The following SUN1 variants were observed in gnomAD, a reference collection of about 807,000 sequenced individuals.
SUN1 encodes the protein SUN domain-containing protein 1.
In SUN1, 61 loss-of-function variants were observed where a neutral mutation model predicts 103.2. That is an observed-to-expected ratio of 0.59 (90% CI 0.48 to 0.73). The LOEUF (loss-of-function observed/expected upper bound fraction) is 0.73, where lower values mean the gene tolerates loss of function less well. Among genes scored for constraint, SUN1 ranks in the 30% least tolerant of loss-of-function variants. The probability of loss-of-function intolerance (pLI) is 0.00; values close to 1 mark genes in which losing one functional copy is unlikely to be tolerated. For synonymous variants in SUN1, 490 were observed against 425.7 expected (o/e 1.15, Z -1.86); for missense variants, 1,052 against 1,034.6 (o/e 1.02, Z -0.23).
chr7:874,339 T>C lies in SUN1; in HGVS notation c.*1008T>C, dbSNP rs1018263067. 6.6e-6 allele frequency: 1 copy of C among 152,636 alleles called. No individual in the cohort carries two copies. The highest frequency in any genetic ancestry group is 1.5e-5 in the Non-Finnish European group (1 of 68,026). The allele number at this position is 152,636 out of a possible 1,614,324, so 9.5% of individuals were successfully genotyped here. ...TCTCACGTGATTCTTGTGAGACTCT[T>C]TTTGGTTATAATTACTATTTAATAT... On this transcript the variant is annotated 3_prime_UTR_variant, in exon 19 of 19. Transcript: ENST00000401592.
In SUN1 at chr7:837,312, C is replaced by G. The variant is rs1804363583; in HGVS notation, c.78-1486C>G. Reference sequence around the variant, plus strand: ...GCAGCGGTCTGAAGCACGTCAGTCTCAGACACGTGGACTGTGCCGCTTTTG... The same window carrying G: ...GCAGCGGTCTGAAGCACGTCAGTCTGAGACACGTGGACTGTGCCGCTTTTG... On this transcript the variant is annotated intron_variant, in intron 1 of 18. Transcript: ENST00000401592. 1.3e-5 allele frequency among the ~76,000 whole-genome samples: 2 copies of G among 152,208 alleles called. 1 individual carries two copies. The highest frequency in any genetic ancestry group is 4.1e-4 in the South Asian group (2 of 4,832).
chr7:822,187 A>T (rs1562476248), intron 1 of SUN1, among the ~76,000 whole-genome samples: 2 of 152,250 alleles, frequency 1.3e-5, no homozygotes, highest in Non-Finnish European at 2.9e-5. Flanking sequence ...CACTGTTTAT[A>T]TAATTGTATG....
chr7:840,013 C>A (rs1807690912), intron 2 of SUN1, among the ~76,000 whole-genome samples: 1 of 152,220 alleles, frequency 6.6e-6, no homozygotes, highest in Non-Finnish European at 1.5e-5. Flanking sequence ...TCTACAAGAT[C>A]TTTGTGCCAT....
intron 2 of SUN1, among the ~76,000 whole-genome samples, chr7:839,548 G>GC (rs1554262064): frequency 3.4e-5 from 4 of 116,714 alleles, no homozygotes; most frequent in South Asian, 2.8e-4. Context: ...ACCACGCCTG[G>GC]CAAATTTTCC....
chr7:869,426 C>T lies in SUN1; in HGVS notation c.2058C>T (p.Ile686=). ...GYLVVRLSMM[I]HPAAFTLEHI... ...TGGTGGTGAGGCTCTCCATGATGAT[C>T]CACCCAGCCGCCTTCACTCTGGAGC... is the stretch of plus-strand genomic sequence containing the variant. Residue 686 remains isoleucine, a synonymous_variant, in exon 17 of 19, where the codon ATC becomes ATT. Coordinates refer to ENST00000401592, the MANE Select transcript of SUN1 (RefSeq NM_001130965.3). The T allele has an allele frequency of 6.2e-7, 1 of 1,613,874 alleles. No individual in the cohort carries two copies.
intron 5 of SUN1, chr7:843,996 G>C (rs545526761): frequency 8.1e-6 from 5 of 620,396 alleles, no homozygotes; most frequent in Admixed American, 5.2e-5. Flanking sequence ...AGAACCTGTA[G>C]GTCTGGGAAG....
intron 5 of SUN1, 153 bp downstream of exon 5, chr7:843,673 T>A (rs1383047331): frequency 6.7e-7 from 1 of 1,489,198 alleles, no homozygotes; most frequent in Non-Finnish European, 8.9e-7. Flanking sequence ...GCTTTGTCCT[T>A]CCTGTCCTCT....
chr7:822,618 A>ATTATGTCTTTAC (rs61618557), intron 1 of SUN1, among the ~76,000 whole-genome samples: 59,346 of 151,854 alleles, frequency 0.39, 11,977 homozygotes, highest in African/African-American at 0.5. Context: ...AGATGATTTT[A>ATTATGTCTTTAC]TTGCTACAAA....
At chr7:851,878 A>ATTT in intron 6 of SUN1, 72 bp from the exon 7 acceptor site, 2 of 1,516,476 alleles carry the variant, frequency 1.3e-6, no homozygotes, top group Non-Finnish European at 1.8e-6. Flanking sequence ...TGGCCTTCAC[A>ATTT]GAAATGGTCC....
At chr7:830,255 T>TGCTGCC (rs1187198110), upstream of SUN1, among the ~76,000 whole-genome samples, 3 of 152,288 alleles carry the variant, frequency 2.0e-5, no homozygotes, top group African/African-American at 7.2e-5. Context: ...TCACAGCCTC[T>TGCTGCC]GCTGCCGCTG....
chr7:827,539 G>C (rs370743133), upstream of SUN1, among the ~76,000 whole-genome samples: 1 of 143,816 alleles, frequency 7.0e-6, no homozygotes, highest in Non-Finnish European at 1.5e-5. Flanking sequence ...GCGCAATCTC[G>C]GCTCACTGCA....
At position 860,497 on chromosome 7, in the gene SUN1, G is replaced by A. The variant is rs188282894; in HGVS notation, c.1779+115G>A. On this transcript the variant is annotated intron_variant, in intron 14 of 18. Transcript: ENST00000401592. ...TTGTTTTAAGAGTGGTCTGGCTGGGGTGTGCTTAGCTGACGTAAGTGAGAT... is the reference window on the plus strand; with the variant it reads ...TTGTTTTAAGAGTGGTCTGGCTGGGATGTGCTTAGCTGACGTAAGTGAGAT... 16 of 1,517,198 alleles carry A rather than the reference G, an allele frequency of 1.1e-5. No individual in the cohort carries two copies. In the East Asian group the frequency reaches 2.7e-4, roughly 26 times the overall value. 94.0% of individuals were successfully genotyped at this position (1,517,198 alleles called of 1,614,324 possible). A position where few individuals can be genotyped will look rare whatever the true frequency, so the allele number is the denominator to read the frequency against.
chr7:852,093 G>T, intron 7 of SUN1, 50 bp downstream of exon 7: 4 of 1,499,152 alleles, frequency 2.7e-6, no homozygotes, highest in Non-Finnish European at 3.7e-6. Context: ...AACCAATTTT[G>T]TGCCAATTGC....
At chr7:841,079 A>C (rs1374160968) in intron 2 of SUN1, among the ~76,000 whole-genome samples, 1 of 149,934 alleles carries the variant, frequency 6.7e-6, no homozygotes, top group African/African-American at 2.5e-5. Flanking sequence ...GATTGCAGGC[A>C]TGTGCCACCA....
At chr7:850,632 G>A (rs1466751696) in intron 5 of SUN1, 1 of 153,274 alleles carries the variant, frequency 6.5e-6, no homozygotes, top group Non-Finnish European at 1.5e-5. Flanking sequence ...CAGGTGTTAA[G>A]TCACTGTGAG....
chr7:858,983 G>C (rs552827257), intron 13 of SUN1, among the ~76,000 whole-genome samples: 1 of 151,970 alleles, frequency 6.6e-6, no homozygotes, highest in Non-Finnish European at 1.5e-5. Context: ...GTGAAACCGC[G>C]TCTCTACTAA....
At chr7:856,775 C>T (rs1375331001) in intron 12 of SUN1, among the ~76,000 whole-genome samples, 2 of 152,212 alleles carry the variant, frequency 1.3e-5, no homozygotes, top group African/African-American at 4.8e-5. Flanking sequence ...TGCACCGGGC[C>T]TCCGCTGGCA....
At chr7:818,491 C>T (rs1329429146) in intron 1 of SUN1, among the ~76,000 whole-genome samples, 1 of 152,164 alleles carries the variant, frequency 6.6e-6, no homozygotes, top group Non-Finnish European at 1.5e-5. Flanking sequence ...AGTAATGCAG[C>T]TACTATGAAC....
intron 16 of SUN1, 69 bp downstream of exon 16, chr7:866,136 G>A: frequency 6.6e-6 from 9 of 1,355,288 alleles, no homozygotes; most frequent in Non-Finnish European, 9.5e-6. Flanking sequence ...ACGGGTCGTA[G>A]GTCCACAGCT....
Sources: gnomAD v4.1 joint callset for allele counts (sites outside exome capture counted in the v4.1 genomes callset) on GRCh38, gnomAD v4.1.1 for gene constraint, MANE v1.5 for transcripts, NCBI Gene and HGNC (gene_info 2026-07-23, HGNC 2026-07-21) for gene names.